SCHIP1: variants seen among roughly 807,000 people sequenced by gnomAD.
SCHIP1 encodes the protein schwannomin-interacting protein 1.
A neutral mutation model predicts 29.7 loss-of-function variants in SCHIP1; 8 were observed. The observed-to-expected ratio is 0.27, with a 90% confidence interval of 0.16 to 0.49. The LOEUF (loss-of-function observed/expected upper bound fraction) is 0.49, where lower values mean the gene tolerates loss of function less well. SCHIP1 is among the 20% of genes least tolerant of loss of function. The pLI, the probability that SCHIP1 is intolerant of heterozygous loss-of-function variation, is 0.99. For synonymous variants in SCHIP1, 76 were observed against 94.9 expected (o/e 0.80, Z 1.16); for missense variants, 193 against 294.6 (o/e 0.66, Z 2.52).
the SCHIP1 span, among the ~76,000 whole-genome samples, chr3:159,757,811 A>G: frequency 6.6e-6 from 1 of 152,182 alleles, no homozygotes; most frequent in Non-Finnish European, 1.5e-5. Context: ...AGCTACCTCC[A>G]TGCCTCCTGC....
chr3:159,717,747 C>A, the SCHIP1 span, among the ~76,000 whole-genome samples: 22 of 152,162 alleles, frequency 1.4e-4, no homozygotes, highest in Non-Finnish European at 2.6e-4. Context: ...AAGAGCCTAC[C>A]AACCAAAAAA....
the SCHIP1 span, among the ~76,000 whole-genome samples, chr3:159,706,166 C>T: frequency 1.3e-5 from 2 of 152,234 alleles, no homozygotes; most frequent in South Asian, 4.1e-4. Flanking sequence ...TGTTCTCATG[C>T]CATCTGTGGT....
At chr3:159,694,049 T>C in the SCHIP1 span, among the ~76,000 whole-genome samples, 3 of 152,184 alleles carry the variant, frequency 2.0e-5, no homozygotes, top group Non-Finnish European at 4.4e-5. Flanking sequence ...TGCACTCACC[T>C]ATCTGTGATA....
At chr3:159,732,108 A>G in the SCHIP1 span, among the ~76,000 whole-genome samples, 1 of 152,216 alleles carries the variant, frequency 6.6e-6, no homozygotes, top group African/African-American at 2.4e-5. Flanking sequence ...GGCCTCCCAA[A>G]GTGCTGGAAT....
chr3:159,587,527 T>C, the SCHIP1 span, among the ~76,000 whole-genome samples: 106 of 152,342 alleles, frequency 7.0e-4, no homozygotes, highest in African/African-American at 2.4e-3. Context: ...CGTGCAGGTT[T>C]GTTACATATG....
At chr3:159,678,583 T>G in the SCHIP1 span, among the ~76,000 whole-genome samples, 1 of 152,210 alleles carries the variant, frequency 6.6e-6, no homozygotes, top group African/African-American at 2.4e-5. Context: ...ATAATAAATA[T>G]CTCAGTAAAA....
At chr3:159,426,364 C>A in the SCHIP1 span, among the ~76,000 whole-genome samples, 2 of 152,096 alleles carry the variant, frequency 1.3e-5, no homozygotes, top group African/African-American at 4.8e-5. Context: ...CACCACCGAT[C>A]CCACAGACAT....
chr3:159,503,488 C>T, the SCHIP1 span, among the ~76,000 whole-genome samples: 2 of 152,054 alleles, frequency 1.3e-5, no homozygotes, highest in Non-Finnish European at 2.9e-5. Context: ...GGCAATATGA[C>T]AAAATGTCAG....
the SCHIP1 span, among the ~76,000 whole-genome samples, chr3:159,536,962 T>C: frequency 6.6e-6 from 1 of 152,190 alleles, no homozygotes; most frequent in Non-Finnish European, 1.5e-5. Flanking sequence ...GGTTTATTGC[T>C]ACACATCTCC....
chr3:159,872,367 A>G (rs1715378802), intron 2 of SCHIP1, among the ~76,000 whole-genome samples: 2 of 152,068 alleles, frequency 1.3e-5, no homozygotes, highest in Admixed American at 1.3e-4. Context: ...TGCCCAGAAA[A>G]TGTGTCCCCC....
chr3:159,645,673 G>A, the SCHIP1 span, among the ~76,000 whole-genome samples: 7 of 152,202 alleles, frequency 4.6e-5, no homozygotes, highest in East Asian at 1.4e-3. Flanking sequence ...TTGCCATCAA[G>A]GGCATCCAGG....
chr3:159,671,550 T>G, the SCHIP1 span, among the ~76,000 whole-genome samples: 1 of 152,328 alleles, frequency 6.6e-6, no homozygotes, highest in Non-Finnish European at 1.5e-5. Context: ...TTGCTTGATC[T>G]GTAAGTCAGA....
At chr3:159,817,523 T>A in the SCHIP1 span, among the ~76,000 whole-genome samples, 1 of 152,212 alleles carries the variant, frequency 6.6e-6, no homozygotes. Flanking sequence ...GTATCTGTAC[T>A]TCTGTAGCTG....
chr3:159,472,956 A>G, the SCHIP1 span, among the ~76,000 whole-genome samples: 56 of 152,336 alleles, frequency 3.7e-4, no homozygotes, highest in African/African-American at 1.2e-3. Flanking sequence ...CATCTATACC[A>G]ACACATTAGG....
rs1387865491 is a variant in SCHIP1, at chr3:159,861,302, G to T, written c.31-4861G>T. ...GCCATGCCATATGCCGAAAAAAAGG[G>T]TGGAAAGGTCCTGGGGACATATTAG... On this transcript the variant is annotated intron_variant, in intron 1 of 6. Transcript: ENST00000445224. The surrounding 1 kb of genome is among the most constrained non-coding windows in gnomAD (Gnocchi z 4.1). Among the ~76,000 whole-genome samples, 1 of 152,176 alleles carries T rather than the reference G, an allele frequency of 6.6e-6. No homozygotes were observed. Among genetic ancestry groups the T allele is most frequent in the Non-Finnish European group, 1.5e-5 (1 of 68,040 alleles).
At chr3:159,745,503 C>G in the SCHIP1 span, among the ~76,000 whole-genome samples, 1 of 152,212 alleles carries the variant, frequency 6.6e-6, no homozygotes, top group Non-Finnish European at 1.5e-5. Context: ...TAATTGGAAT[C>G]TCTTTTAAAT....
chr3:159,733,948 T>C, the SCHIP1 span, among the ~76,000 whole-genome samples: 1 of 152,132 alleles, frequency 6.6e-6, no homozygotes, highest in Admixed American at 6.5e-5. Flanking sequence ...AGTTAACTTA[T>C]GCATTCACAA....
chr3:159,310,482 G>A, the SCHIP1 span, among the ~76,000 whole-genome samples: 2 of 152,130 alleles, frequency 1.3e-5, no homozygotes, highest in African/African-American at 4.8e-5. Context: ...TTCAACCAGA[G>A]GAAGGCTGGC....
chr3:159,392,704 G>A, the SCHIP1 span, among the ~76,000 whole-genome samples: 1 of 151,752 alleles, frequency 6.6e-6, no homozygotes, highest in Non-Finnish European at 1.5e-5. Context: ...TCTTAATCCA[G>A]TCTATCATTG....
Sources: gnomAD v4.1 joint callset for allele counts (sites outside exome capture counted in the v4.1 genomes callset) on GRCh38, gnomAD v4.1.1 for gene constraint, Gnocchi (gnomAD v3.1) non-coding constraint, MANE v1.5 for transcripts, NCBI Gene and HGNC (gene_info 2026-07-23, HGNC 2026-07-21) for gene names.